Variants in HOOK3 observed in about 807,000 individuals in gnomAD.
HOOK3 encodes the protein hook microtubule tethering protein 3.
HOOK3 carries 24 observed loss-of-function variants against 116.3 expected under a neutral mutation model. The ratio of observed to expected loss-of-function variants is 0.21; its 90% confidence interval spans 0.15 to 0.29. The LOEUF (loss-of-function observed/expected upper bound fraction) is 0.29. Ranked by LOEUF, HOOK3 falls within the 10% of genes least tolerant of loss-of-function variation. The probability of loss-of-function intolerance (pLI) is 1.00; values close to 1 mark genes in which losing one functional copy is unlikely to be tolerated. For missense variants in HOOK3, 632 were observed against 830.2 expected (o/e 0.76, Z 2.93); for synonymous variants, 275 against 283.0 (o/e 0.97, Z 0.28).
At position 42,943,251 on chromosome 8, in the gene HOOK3, GTTTTTT is replaced by G. The variant is rs373167898; in HGVS notation, c.268-53_268-48del. The G allele has an allele frequency of 3.8e-5, 33 of 873,914 alleles. No individual in the cohort carries two copies. The African/African-American group carries it at 6.1e-4, about 16-fold the overall frequency. 54.1% of individuals were successfully genotyped at this position (873,914 alleles called of 1,614,324 possible). ...TCTGGTAATAACAAACCTCGATCAA[GTTTTTT>G]TTTTTTTTGGTCATATAAATGTAAA... is the stretch of plus-strand genomic sequence containing the variant. On this transcript the variant is annotated intron_variant, in intron 4 of 21. Transcript: ENST00000307602.
chr8:42,959,359 G>A (rs886818771), intron 8 of HOOK3, 45 bp downstream of exon 8: 1 of 1,195,894 alleles, frequency 8.4e-7, no homozygotes, highest in African/African-American at 1.5e-5. Flanking sequence ...ACATACCACT[G>A]TAAATACCAC....
intron 4 of HOOK3, among the ~76,000 whole-genome samples, chr8:42,930,425 TATTA>T (rs1398974654): frequency 1.3e-5 from 2 of 152,210 alleles, no homozygotes; most frequent in South Asian, 2.1e-4. Context: ...TTATGTCATC[TATTA>T]ATTCTGTCTT....
At chr8:42,912,844 C>T (rs1345116404) in intron 2 of HOOK3, among the ~76,000 whole-genome samples, 1 of 152,192 alleles carries the variant, frequency 6.6e-6, no homozygotes, top group African/African-American at 2.4e-5. Flanking sequence ...TTTTATGTAT[C>T]TACCATGGTA....
chr8:42,989,467 T>A (rs765571298), intron 15 of HOOK3, among the ~76,000 whole-genome samples: 1 of 152,174 alleles, frequency 6.6e-6, no homozygotes, highest in Admixed American at 6.5e-5. Flanking sequence ...TTATTTTTTT[T>A]ATTTTTGTGG....
intron 17 of HOOK3, 60 bp from the exon 18 acceptor site, chr8:43,007,787 A>C: frequency 9.8e-7 from 1 of 1,023,598 alleles, no homozygotes; most frequent in Non-Finnish European, 1.4e-6. Flanking sequence ...TCAGATCTTT[A>C]ATTTGAACTG....
intron 16 of HOOK3, among the ~76,000 whole-genome samples, chr8:43,001,629 C>T (rs950998140): frequency 6.6e-6 from 1 of 151,894 alleles, no homozygotes. Flanking sequence ...CATTCCCATA[C>T]CACTGCATAA....
intron 13 of HOOK3, among the ~76,000 whole-genome samples, chr8:42,975,099 G>A (rs1473714473): frequency 3.3e-5 from 5 of 152,134 alleles, no homozygotes; most frequent in South Asian, 2.1e-4. Context: ...CGGGTGGGGC[G>A]CACCCAGGAG....
intron 14 of HOOK3, among the ~76,000 whole-genome samples, chr8:42,983,358 C>G (rs182752763): frequency 9.2e-4 from 138 of 150,248 alleles, no homozygotes; most frequent in African/African-American, 3.1e-3. Context: ...AAAGGTTTAT[C>G]TGCTAACCAC....
At chr8:42,924,906 G>C (rs926897720) in intron 2 of HOOK3, among the ~76,000 whole-genome samples, 10 of 151,290 alleles carry the variant, frequency 6.6e-5, no homozygotes, top group Admixed American at 2.0e-4. Context: ...CTGGGAGGTA[G>C]AGGTTGCAGT....
At chr8:42,980,123 C>T (rs1405402421) in intron 13 of HOOK3, among the ~76,000 whole-genome samples, 4 of 151,906 alleles carry the variant, frequency 2.6e-5, no homozygotes, top group East Asian at 1.9e-4. Context: ...CCACCATGCC[C>T]GGCTAATTTT....
chr8:43,022,436 G>A lies in HOOK3; in HGVS notation c.*3938G>A. Reference sequence around the variant, plus strand: ...TACAGGGTTGCTGTGTTGGGTTGGAGCACACTGTCACCACAGTGTCTGAAG... The same window carrying A: ...TACAGGGTTGCTGTGTTGGGTTGGAACACACTGTCACCACAGTGTCTGAAG... On this transcript the variant is annotated 3_prime_UTR_variant, in exon 22 of 22. Coordinates refer to ENST00000307602, the MANE Select transcript of HOOK3 (RefSeq NM_032410.4). The A allele has an allele frequency of 5.0e-6, 1 of 201,792 alleles. No homozygotes were observed. Among genetic ancestry groups the A allele is most frequent in the Non-Finnish European group, 1.0e-5 (1 of 98,124 alleles). 12.5% of individuals were successfully genotyped at this position (201,792 alleles called of 1,614,324 possible). A position where few individuals can be genotyped will look rare whatever the true frequency, so the allele number is the denominator to read the frequency against.
In HOOK3 at chr8:43,027,921, GA is replaced by G; in HGVS notation, c.*9427del. The G allele has an allele frequency of 5.1e-6, 1 of 196,716 alleles. No individual in the cohort carries two copies. Among genetic ancestry groups the G allele is most frequent in the Non-Finnish European group, 1.1e-5 (1 of 94,868 alleles). The allele number at this position is 196,716 out of a possible 1,614,324, so 12.2% of individuals were successfully genotyped here. ...CAACAGCACTTTTATTGCCCAGAGAGAAAATAAGGACAAAATAAAGGCAGTG... is the reference window on the plus strand; with the variant it reads ...CAACAGCACTTTTATTGCCCAGAGAGAAATAAGGACAAAATAAAGGCAGTG... On this transcript the variant is annotated 3_prime_UTR_variant, in exon 22 of 22. Coordinates refer to ENST00000307602, the MANE Select transcript of HOOK3 (RefSeq NM_032410.4).
intron 13 of HOOK3, among the ~76,000 whole-genome samples, chr8:42,980,227 A>G (rs1223399449): frequency 5.9e-5 from 9 of 151,958 alleles, no homozygotes; most frequent in Non-Finnish European, 1.2e-4. Flanking sequence ...TGCTGGGATT[A>G]CAGGTGTGAG....
chr8:42,920,659 G>T (rs1563291301), intron 2 of HOOK3, among the ~76,000 whole-genome samples: 1 of 152,152 alleles, frequency 6.6e-6, no homozygotes, highest in Non-Finnish European at 1.5e-5. Flanking sequence ...TAGCCACAGG[G>T]CCTTAGTGTT....
rs570011208 is a variant in HOOK3 at position 43,025,837 on chromosome 8, C to G, written c.*7339C>G. Reference sequence around the variant, plus strand: ...CTTACTTACACACAGTAGCCCCACACAGTTTTGTTTTAAATGAAGGCAAAA... The same window carrying G: ...CTTACTTACACACAGTAGCCCCACAGAGTTTTGTTTTAAATGAAGGCAAAA... On this transcript the variant is annotated 3_prime_UTR_variant, in exon 22 of 22. Coordinates refer to ENST00000307602, the MANE Select transcript of HOOK3 (RefSeq NM_032410.4). 9.5e-6 allele frequency: 2 copies of G among 210,314 alleles called. No homozygotes were observed. The highest frequency in any genetic ancestry group is 7.2e-5 in the East Asian group (1 of 13,924). 13.0% of individuals were successfully genotyped at this position (210,314 alleles called of 1,614,324 possible). A position where few individuals can be genotyped will look rare whatever the true frequency, so the allele number is the denominator to read the frequency against.
chr8:43,023,797 C>T lies in HOOK3; in HGVS notation c.*5299C>T, dbSNP rs186536041. The stretch of plus-strand genomic sequence containing the variant: ...TTCGAAAGTAGCAGTTTGGTTTATT[C>T]TCGTTTGCTAAGTAATTGTTTGAAA... On this transcript the variant is annotated 3_prime_UTR_variant, in exon 22 of 22. Transcript: ENST00000307602. 1.1e-4 allele frequency: 22 copies of T among 201,684 alleles called. No individual in the cohort carries two copies. The highest frequency in any genetic ancestry group is 1.0e-5 in the Non-Finnish European group (1 of 97,990). 12.5% of individuals were successfully genotyped at this position (201,684 alleles called of 1,614,324 possible).
intron 5 of HOOK3, among the ~76,000 whole-genome samples, chr8:42,944,168 A>G (rs1225814972): frequency 6.6e-6 from 1 of 152,160 alleles, no homozygotes; most frequent in Non-Finnish European, 1.5e-5. Flanking sequence ...TGATCCCAGC[A>G]CTTTGGGAGG....
At chr8:42,988,215 A>T (rs907091061) in intron 15 of HOOK3, among the ~76,000 whole-genome samples, 2 of 152,176 alleles carry the variant, frequency 1.3e-5, no homozygotes, top group Non-Finnish European at 2.9e-5. Flanking sequence ...ACTCAGAAAA[A>T]GTGGGAAATG....
intron 15 of HOOK3, among the ~76,000 whole-genome samples, chr8:42,990,736 T>C (rs1809144503): frequency 6.6e-6 from 1 of 152,174 alleles, no homozygotes; most frequent in Non-Finnish European, 1.5e-5. Flanking sequence ...CCTTGTGAGA[T>C]GGGGAGTTTG....
Sources: gnomAD v4.1 joint callset for allele counts (sites outside exome capture counted in the v4.1 genomes callset) on GRCh38, gnomAD v4.1.1 for gene constraint, MANE v1.5 for transcripts, NCBI Gene and HGNC (gene_info 2026-07-23, HGNC 2026-07-21) for gene names.